The following SLC23A1 variants were observed in gnomAD, a reference collection of about 807,000 sequenced individuals.
SLC23A1 encodes the protein Na(+)/L-ascorbic acid transporter 1.
A neutral mutation model predicts 62.5 loss-of-function variants in SLC23A1; 31 were observed. That is an observed-to-expected ratio of 0.50 (90% CI 0.37 to 0.67). The LOEUF (loss-of-function observed/expected upper bound fraction) is 0.67, where lower values mean the gene tolerates loss of function less well. Among genes scored for constraint, SLC23A1 ranks in the 30% least tolerant of loss-of-function variants. The probability of loss-of-function intolerance (pLI) is 0.00; values close to 1 mark genes in which losing one functional copy is unlikely to be tolerated. For missense variants in SLC23A1, 640 were observed against 782.7 expected (o/e 0.82, Z 2.18); for synonymous variants, 271 against 313.2 (o/e 0.87, Z 1.42).
At position 139,380,862 on chromosome 5, in the gene SLC23A1, G is replaced by C. The variant is rs1273219237; in HGVS notation, c.333C>G (p.Ala111=). 11 of 1,570,236 alleles carry C rather than the reference G, an allele frequency of 7.0e-6. No individual in the cohort carries two copies. Among genetic ancestry groups the C allele is most frequent in the South Asian group, 1.2e-5 (1 of 86,088 alleles). ...CTTTGGCTGGAACCAGAAATGCAAA[G>C]GCACTGGCCTGGAACAGCGGCAGCC... ...GIRLPLFQAS[A]FAFLVPAKAI... is the part of the protein sequence containing the mutation. Residue 111 remains alanine (A), a synonymous_variant, in exon 4 of 15, where the codon GCC becomes GCG. Coordinates refer to ENST00000348729, the MANE Select transcript of SLC23A1 (RefSeq NM_005847.5).
chr5:139,378,425 GT>G lies in SLC23A1; in HGVS notation c.1180-75del. ...GGGGTTAGTTCCAGGGGCGGGGCCT[GT>G]TATAAGAGCGAGGCATAAACCGGCT... On this transcript the variant is annotated intron_variant, in intron 10 of 14. Coordinates refer to ENST00000348729, the MANE Select transcript of SLC23A1 (RefSeq NM_005847.5). This position sits in a 1 kb window ranked among gnomAD's most constrained non-coding sequence, Gnocchi z 4.5. 2.0e-6 allele frequency: 3 copies of G among 1,515,204 alleles called. No individual in the cohort carries two copies. In the South Asian group the frequency reaches 3.7e-5, roughly 19 times the overall value. The allele number at this position is 1,515,204 out of a possible 1,614,324, so 93.9% of individuals were successfully genotyped here. A position where few individuals can be genotyped will look rare whatever the true frequency, so the allele number is the denominator to read the frequency against.
intron 14 of SLC23A1, 27 bp downstream of exon 14, chr5:139,371,960 C>T (rs1326815197): frequency 1.3e-6 from 2 of 1,574,772 alleles, no homozygotes; most frequent in Admixed American, 1.8e-5. Context: ...ATTCAACCCT[C>T]CCACAAAAAC....
chr5:139,371,840 T>C, intron 14 of SLC23A1, 147 bp downstream of exon 14: 1 of 693,558 alleles, frequency 1.4e-6, no homozygotes, highest in South Asian at 1.8e-5. Context: ...AATCCGTATG[T>C]TGACTTTTTA....
chr5:139,377,285 TC>T, intron 13 of SLC23A1, 116 bp downstream of exon 13: 1 of 680,936 alleles, frequency 1.5e-6, no homozygotes, highest in African/African-American at 1.8e-5. Context: ...TTCCTGATGC[TC>T]CCTGCAGGGC....
intron 13 of SLC23A1, among the ~76,000 whole-genome samples, chr5:139,375,792 G>A (rs1757917845): frequency 6.8e-6 from 1 of 148,068 alleles, no homozygotes; most frequent in Non-Finnish European, 1.5e-5. Context: ...CCGAGATCAC[G>A]CCATTGTGCT....
chr5:139,383,140 C>T (rs967353048), intron 1 of SLC23A1, 78 bp downstream of exon 1: 34 of 578,364 alleles, frequency 5.9e-5, no homozygotes, highest in Admixed American at 1.2e-4. Context: ...CTCTGGCCTC[C>T]AGGAAGAAGG....
chr5:139,381,959 G>A lies in SLC23A1; in HGVS notation c.241C>T (p.Gln81Ter). The A allele has an allele frequency of 6.3e-7, 1 of 1,594,172 alleles. No homozygotes were observed. Among genetic ancestry groups the A allele is most frequent in the Non-Finnish European group, 8.5e-7 (1 of 1,170,844 alleles). ...CACGTGAAGATGGTGCCGATGAGCT[G>A]ACTAACCATGTGCTGGTCGTGGCCC... is the stretch of plus-strand genomic sequence containing the variant. ...CVGHDQHMVS[Q>*]LIGTIFTCVG... is the part of the protein sequence containing the mutation. The change falls in exon 3 of 15, where the codon CAG becomes TAG. Residue 81 changes from glutamine (Q) to a stop codon, truncating the protein, a stop_gained. Coordinates refer to ENST00000348729, the MANE Select transcript of SLC23A1 (RefSeq NM_005847.5). LOFTEE classifies it high-confidence loss of function.
chr5:139,368,523 C>G (rs569427902), intron 14 of SLC23A1, among the ~76,000 whole-genome samples: 1 of 151,804 alleles, frequency 6.6e-6, no homozygotes, highest in Non-Finnish European at 1.5e-5. Flanking sequence ...AGCAAGACTC[C>G]GTCACAAAAA....
rs1461469842 is a variant in SLC23A1, at chr5:139,379,097, C to T, written c.1073+110G>A. On this transcript the variant is annotated intron_variant, in intron 9 of 14. Coordinates refer to ENST00000348729, the MANE Select transcript of SLC23A1 (RefSeq NM_005847.5). The surrounding 1 kb of genome is among the most constrained non-coding windows in gnomAD (Gnocchi z 4.7). The stretch of plus-strand genomic sequence containing the variant: ...CAAACAAGGAGAATGAGGTCTGGAG[C>T]GTGTTCCCGACTTGCCTAAGCCTAC... 12 of 1,058,860 alleles carry T rather than the reference C, an allele frequency of 1.1e-5. No individual in the cohort carries two copies. The highest frequency in any genetic ancestry group is 7.1e-5 in the South Asian group (5 of 70,652). 65.6% of individuals were successfully genotyped at this position (1,058,860 alleles called of 1,614,324 possible).
Position 139,380,011 on chromosome 5 carries a change from T to C in SLC23A1, c.713A>G (p.Tyr238Cys). The C allele has an allele frequency of 6.2e-7, 1 of 1,613,684 alleles. No homozygotes were observed. The highest frequency in any genetic ancestry group is 8.5e-7 in the Non-Finnish European group (1 of 1,179,926). The change falls in exon 7 of 15, where the codon TAC (tyrosine) becomes TGC (cysteine). Residue 238 changes from tyrosine (Y) to cysteine (C), a missense_variant. By Grantham distance (194) the Tyr-to-Cys change is radical. Coordinates refer to ENST00000348729, the MANE Select transcript of SLC23A1 (RefSeq NM_005847.5). The stretch of plus-strand genomic sequence containing the variant: ...GAGAGTGAGGCCCTTGCCCCAGCGG[T>C]AGACAGGCAGCAGGAAGGTGAGGTT... The part of the protein sequence containing the change: ...LRNLTFLLPV[Y>C]RWGKGLTLLR...
chr5:139,373,169 GT>G (rs1446793990), intron 13 of SLC23A1, among the ~76,000 whole-genome samples: 1 of 151,022 alleles, frequency 6.6e-6, no homozygotes, highest in Non-Finnish European at 1.5e-5. Flanking sequence ...TTTGTGTTGT[GT>G]TTTTTTTGTT....
Position 139,372,085 on chromosome 5 carries a change from G to C in SLC23A1, c.1718C>G (p.Ser573Ter), listed in dbSNP as rs747148257. ...AATTGCAATCTGATCTTTTGAACTT[G>C]AAGAAAATCCTTTGAAGACTGGGCA... ...PICPVFKGFS[S>*]SSKDQIAIPE... Residue 573 changes from serine (S) to a stop codon, truncating the protein, a stop_gained, in exon 14 of 15, where the codon TCA (serine) becomes TGA (stop). Coordinates refer to ENST00000348729, the MANE Select transcript of SLC23A1 (RefSeq NM_005847.5). LOFTEE classifies it high-confidence loss of function. 1 of 1,612,648 alleles carries C rather than the reference G, an allele frequency of 6.2e-7. No homozygotes were observed. The highest frequency in any genetic ancestry group is 8.5e-7 in the Non-Finnish European group (1 of 1,178,658).
chr5:139,372,306 C>T, intron 13 of SLC23A1, 53 bp from the exon 14 acceptor site: 1 of 1,563,434 alleles, frequency 6.4e-7, no homozygotes, highest in East Asian at 2.2e-5. Context: ...TCAGCCACCC[C>T]CACTTCCCAT....
rs1468517625 is a variant in SLC23A1 at position 139,367,494 on chromosome 5, G to T, written c.*157C>A. ...CCCCCCCACCCCTTTTTTTTTAACT[G>T]ATGCAAAAATTTGAATCCCAGAGAA... is the stretch of plus-strand genomic sequence containing the variant. On this transcript the variant is annotated 3_prime_UTR_variant, in exon 15 of 15. Transcript: ENST00000348729. 2.0e-5 allele frequency: 3 copies of T among 148,640 alleles called. No homozygotes were observed. Among genetic ancestry groups the T allele is most frequent in the African/African-American group, 2.5e-5 (1 of 40,208 alleles). The allele number at this position is 148,640 out of a possible 1,614,324, so 9.2% of individuals were successfully genotyped here.
intron 12 of SLC23A1, 73 bp downstream of exon 12, chr5:139,377,902 C>G (rs1758021604): frequency 6.8e-7 from 1 of 1,476,274 alleles, no homozygotes; most frequent in Non-Finnish European, 9.3e-7. Context: ...TGTGTGGAGC[C>G]TTTGAGGGAG....
At chr5:139,372,640 A>C (rs958809345) in intron 13 of SLC23A1, among the ~76,000 whole-genome samples, 1 of 152,118 alleles carries the variant, frequency 6.6e-6, no homozygotes, top group African/African-American at 2.4e-5. Context: ...GCTGGAGTGC[A>C]CTGGCACGAT....
chr5:139,381,509 G>A (rs1464612223), intron 3 of SLC23A1, among the ~76,000 whole-genome samples: 6 of 151,332 alleles, frequency 4.0e-5, no homozygotes, highest in African/African-American at 7.3e-5. Flanking sequence ...TGGGAGAATC[G>A]CTTGAACGCG....
At position 139,378,685 on chromosome 5, in the gene SLC23A1, C is replaced by T. The variant is rs1758077058; in HGVS notation, c.1074-1G>A. The T allele has an allele frequency of 6.2e-7, 1 of 1,603,540 alleles. No homozygotes were observed. The highest frequency in any genetic ancestry group is 1.3e-5 in the African/African-American group (1 of 74,862). ...GCAAATGCCTTCGGTGAAGATGCCC[C>T]TGTAAGGAAAGGGAGAGTCGGGGCT... On this transcript the variant is annotated splice_acceptor_variant, in intron 9 of 14. Transcript: ENST00000348729. LOFTEE classifies it high-confidence loss of function. This position sits in a 1 kb window ranked among gnomAD's most constrained non-coding sequence, Gnocchi z 4.5.
At position 139,371,931 on chromosome 5, in the gene SLC23A1, G is replaced by A. The variant is rs1757690039; in HGVS notation, c.*19+56C>T. 1.4e-5 allele frequency: 19 copies of A among 1,356,528 alleles called. No individual in the cohort carries two copies. The South Asian group carries it at 2.3e-4, about 16-fold the overall frequency. 84.0% of individuals were successfully genotyped at this position (1,356,528 alleles called of 1,614,324 possible). A position where few individuals can be genotyped will look rare whatever the true frequency, so the allele number is the denominator to read the frequency against. ...GTAGTTTGGTTTTTCTTTGGTTAAA[G>A]CATAAGAATGTTTTGATTATTCAAC... On this transcript the variant is annotated intron_variant, in intron 14 of 14. Transcript: ENST00000348729.
Sources: gnomAD v4.1 joint callset for allele counts (sites outside exome capture counted in the v4.1 genomes callset) on GRCh38, gnomAD v4.1.1 for gene constraint, Gnocchi (gnomAD v3.1) non-coding constraint, MANE v1.5 for transcripts, NCBI Gene and HGNC (gene_info 2026-07-23, HGNC 2026-07-21) for gene names.